Variants in ADAMTS13 observed in about 807,000 individuals in gnomAD.
The protein encoded by ADAMTS13 is ADAM metallopeptidase with thrombospondin type 1 motif 13.
A neutral mutation model predicts 155.1 loss-of-function variants in ADAMTS13; 110 were observed. The observed-to-expected ratio is 0.71, with a 90% CI of 0.61 to 0.83. ADAMTS13 has a LOEUF of 0.83. Ranked by LOEUF, ADAMTS13 falls within the 40% of genes least tolerant of loss-of-function variation. The probability of loss-of-function intolerance (pLI) is 0.00; values close to 1 mark genes in which losing one functional copy is unlikely to be tolerated. For missense variants in ADAMTS13, 1,707 were observed against 1,891.7 expected (o/e 0.90, Z 1.81); for synonymous variants, 758 against 756.4 (o/e 1.00, Z -0.03).
At chr9:133,436,627 A>G (rs587719829) in intron 11 of ADAMTS13, among the ~76,000 whole-genome samples, 1 of 152,078 alleles carries the variant, frequency 6.6e-6, no homozygotes, top group South Asian at 2.1e-4. Context: ...TTCTTTACGG[A>G]TTCCCCGGGG....
rs1380847239 is a variant in ADAMTS13, at chr9:133,440,421, G to A, written c.1864G>A (p.Glu622Lys). ...SPNTTYPSLL[E>K]DGRVEYRVAL... The stretch of plus-strand genomic sequence containing the variant: ...TAACACCACCTACCCCTCCCTCCTG[G>A]AGGATGGTCGTGTCGAGTACAGAGT... Residue 622 changes from glutamate (E) to lysine (K), a missense_variant, in exon 16 of 29, where the codon GAG (glutamate) becomes AAG (lysine). Transcript: ENST00000355699. The surrounding 1 kb of genome is among the most constrained non-coding windows in gnomAD (Gnocchi z 4.3). The A allele has an allele frequency of 6.2e-7, 1 of 1,613,738 alleles. No individual in the cohort carries two copies. The highest frequency in any genetic ancestry group is 1.3e-5 in the African/African-American group (1 of 74,920).
Position 133,442,519 on chromosome 9 carries a change from G to A in ADAMTS13, c.2089G>A (p.Val697Met), listed in dbSNP as rs367818172. ...GGCCGCTGTGCGTGGGCCCTGCTCG[G>A]TGAGCTGTGGGGCAGGTGAGACCTG... ...VWAAVRGPCS[V>M]SCGAGLRWVN... The change falls in exon 17 of 29, where the codon GTG becomes ATG. Residue 697 changes from valine (V) to methionine (M), a missense_variant. By Grantham distance (21) the Val-to-Met change is conservative (BLOSUM62 1). Transcript: ENST00000355699. 8.5e-5 allele frequency: 137 copies of A among 1,613,542 alleles called. No individual in the cohort carries two copies. Among genetic ancestry groups the A allele is most frequent in the Non-Finnish European group, 1.1e-4 (131 of 1,180,036 alleles).
rs782067565 is a variant in ADAMTS13, at chr9:133,429,867, C to T, written c.825-72C>T. 27 of 1,523,508 alleles carry T rather than the reference C, an allele frequency of 1.8e-5. No individual in the cohort carries two copies. The South Asian group carries it at 2.9e-4, about 16-fold the overall frequency. The allele number at this position is 1,523,508 out of a possible 1,614,324, so 94.4% of individuals were successfully genotyped here. A position where few individuals can be genotyped will look rare whatever the true frequency, so the allele number is the denominator to read the frequency against. Reference sequence around the variant, plus strand: ...TTCCAAACGCTTCCATCCTCGTGCCCACTCCTCCGTCCCGCCTCCTCCCGG... The same window carrying T: ...TTCCAAACGCTTCCATCCTCGTGCCTACTCCTCCGTCCCGCCTCCTCCCGG... On this transcript the variant is annotated intron_variant, in intron 7 of 28. Coordinates refer to ENST00000355699, the MANE Select transcript of ADAMTS13 (RefSeq NM_139027.6).
chr9:133,437,575 A>G (rs1279712140), intron 12 of ADAMTS13, among the ~76,000 whole-genome samples, 174 bp from the exon 13 acceptor site: 1 of 152,118 alleles, frequency 6.6e-6, no homozygotes, highest in East Asian at 1.9e-4. Context: ...CTAATTCAAT[A>G]CCATTAATTA....
Position 133,426,017 on chromosome 9 carries a change from A to C in ADAMTS13, c.494A>C (p.Asp165Ala). The change falls in exon 5 of 29, where the codon GAC becomes GCC. Residue 165 changes from aspartate (D) to alanine (A), a missense_variant. Asp to Ala is a moderately radical substitution (Grantham distance 126). This residue lies in a region of ADAMTS13 where 733 missense variants were observed against 749.6 expected (regional missense o/e 0.98). Transcript: ENST00000355699. ...TGGAGCCAGACCATCAACCCTGAGG[A>C]CGACACGGATCCTGGCCATGCTGAC... Reference protein sequence around the residue: ...CGWSQTINPEDDTDPGHADLV... With the variant: ...CGWSQTINPEADTDPGHADLV... 6.2e-7 allele frequency: 1 copy of C among 1,613,996 alleles called. No homozygotes were observed. Among genetic ancestry groups the C allele is most frequent in the Non-Finnish European group, 8.5e-7 (1 of 1,180,008 alleles).
intron 21 of ADAMTS13, among the ~76,000 whole-genome samples, chr9:133,446,371 A>G (rs145391823): frequency 2.0e-5 from 3 of 152,120 alleles, no homozygotes; most frequent in Non-Finnish European, 2.9e-5. Flanking sequence ...GGCAACCTCC[A>G]TTCTCCTTTC....
intron 27 of ADAMTS13, among the ~76,000 whole-genome samples, chr9:133,457,545 G>C (rs1842821580): frequency 6.6e-6 from 1 of 152,258 alleles, no homozygotes; most frequent in African/African-American, 2.4e-5. Context: ...CAGGCAGGTG[G>C]GGGCTCCAGT....
chr9:133,442,620 G>A lies in ADAMTS13; in HGVS notation c.2111G>A (p.Arg704His), dbSNP rs782223605. 8 of 1,613,246 alleles carry A rather than the reference G, an allele frequency of 5.0e-6. No individual in the cohort carries two copies. Among genetic ancestry groups the A allele is most frequent in the South Asian group, 1.1e-5 (1 of 91,084 alleles). ...PCSVSCGAGLRWVNYSCLDQA... is the reference protein window; with the variant it reads ...PCSVSCGAGLHWVNYSCLDQA... ...CCTCCCTCTTCCCTCCCAGGGCTGCGCTGGGTAAACTACAGCTGCCTGGAC... is the reference window on the plus strand; with the variant it reads ...CCTCCCTCTTCCCTCCCAGGGCTGCACTGGGTAAACTACAGCTGCCTGGAC... Residue 704 changes from arginine (R) to histidine (H), a missense_variant, in exon 18 of 29, where the codon CGC becomes CAC. By Grantham distance (29) the Arg-to-His change is conservative. Transcript: ENST00000355699.
chr9:133,445,121 A>G lies in ADAMTS13; in HGVS notation c.2610+69A>G. ...TTACCTGGCTGGGAGAACGAGGAGCACCCATTGCCACCGTCCTCCAGGCCA... is the reference window on the plus strand; with the variant it reads ...TTACCTGGCTGGGAGAACGAGGAGCGCCCATTGCCACCGTCCTCCAGGCCA... On this transcript the variant is annotated intron_variant, in intron 20 of 28. Transcript: ENST00000355699. The surrounding 1 kb of genome is among the most constrained non-coding windows in gnomAD (Gnocchi z 5.0). 2.0e-6 allele frequency: 3 copies of G among 1,513,916 alleles called. No individual in the cohort carries two copies. Among genetic ancestry groups the G allele is most frequent in the Non-Finnish European group, 2.7e-6 (3 of 1,118,352 alleles). 93.8% of individuals were successfully genotyped at this position (1,513,916 alleles called of 1,614,324 possible).
intron 1 of ADAMTS13, among the ~76,000 whole-genome samples, chr9:133,416,552 T>C (rs1212509333): frequency 6.6e-6 from 1 of 152,100 alleles, no homozygotes; most frequent in African/African-American, 2.4e-5. Flanking sequence ...CAGTGAGCTA[T>C]GATCCTAACA....
At chr9:133,436,789 GC>G in intron 11 of ADAMTS13, 39 bp from the exon 12 acceptor site, 1 of 665,682 alleles carries the variant, frequency 1.5e-6, no homozygotes, top group Non-Finnish European at 2.2e-6. Context: ...CCCGCCCCCC[GC>G]CCCACCGCCA....
rs782761346 is a variant in ADAMTS13 at position 133,455,246 on chromosome 9, G to C, written c.3250-39G>C. ...TTACCACTGTCCTTGTCACCTTCTG[G>C]CAGGGTCAGCTGTGACTCCTCCTCC... On this transcript the variant is annotated intron_variant, in intron 24 of 28. Transcript: ENST00000355699. The C allele has an allele frequency of 1.2e-5, 19 of 1,593,908 alleles. 1 individual carries two copies. Among genetic ancestry groups the C allele is most frequent in the Middle Eastern group, 3.3e-4 (2 of 6,076 alleles).
intron 15 of ADAMTS13, 48 bp downstream of exon 15, chr9:133,439,494 G>A (rs985973694): frequency 1.5e-5 from 23 of 1,520,690 alleles, no homozygotes; most frequent in South Asian, 4.5e-5. Context: ...CTGCAAAGGT[G>A]CAGAGCACTG....
At chr9:133,436,417 C>T (rs1032103122) in intron 11 of ADAMTS13, among the ~76,000 whole-genome samples, 1 of 151,900 alleles carries the variant, frequency 6.6e-6, no homozygotes, top group Non-Finnish European at 1.5e-5. Context: ...CTTCTGTCAG[C>T]CCATAAAAGT....
At position 133,456,873 on chromosome 9, in the gene ADAMTS13, A is replaced by T; in HGVS notation, c.3724+154A>T. The T allele has an allele frequency of 1.0e-6, 1 of 961,974 alleles. No homozygotes were observed. Among genetic ancestry groups the T allele is most frequent in the Non-Finnish European group, 1.6e-6 (1 of 622,568 alleles). 59.6% of individuals were successfully genotyped at this position (961,974 alleles called of 1,614,324 possible). ...GAAGGAACTGGGGTTGGCCAGTGTC[A>T]GTCTGCACGTGCCAGGGAGGGGTCA... is the stretch of plus-strand genomic sequence containing the variant. On this transcript the variant is annotated intron_variant, in intron 27 of 28. Coordinates refer to ENST00000355699, the MANE Select transcript of ADAMTS13 (RefSeq NM_139027.6). The surrounding 1 kb of genome is among the most constrained non-coding windows in gnomAD (Gnocchi z 4.4).
Position 133,442,729 on chromosome 9 carries a change from A to T in ADAMTS13, c.2220A>T (p.Glu740Asp), listed in dbSNP as rs782559298. 1.9e-6 allele frequency: 3 copies of T among 1,612,638 alleles called. No individual in the cohort carries two copies. The highest frequency in any genetic ancestry group is 2.7e-5 in the African/African-American group (2 of 74,942). The change falls in exon 18 of 29, where the codon GAA (glutamate) becomes GAT (aspartate). Residue 740 changes from glutamate to aspartate, a missense_variant. Coordinates refer to ENST00000355699, the MANE Select transcript of ADAMTS13 (RefSeq NM_139027.6). ...PPAWPEACVL[E>D]PCPPYWAVGD... Reference sequence around the variant, plus strand: ...CGTGGCCAGAGGCCTGCGTGCTCGAACCCTGCCCTCCCTAGTGAGTGTGGT... The same window carrying T: ...CGTGGCCAGAGGCCTGCGTGCTCGATCCCTGCCCTCCCTAGTGAGTGTGGT...
rs782404364 is a variant in ADAMTS13 at position 133,454,658 on chromosome 9, G to A, written c.3249+39G>A. 4.5e-6 allele frequency: 7 copies of A among 1,558,386 alleles called. No homozygotes were observed. In the South Asian group the frequency reaches 8.1e-5, roughly 18 times the overall value. The stretch of plus-strand genomic sequence containing the variant: ...GCACTCGGAATCCCTATGGGGCTGG[G>A]GTGGGCATCAGCTGTGGCTCCTCAT... On this transcript the variant is annotated intron_variant, in intron 24 of 28. Transcript: ENST00000355699.
rs866231988 is a variant in ADAMTS13 at position 133,456,164 on chromosome 9, G to C, written c.3496G>C (p.Gly1166Arg). 2 of 1,613,540 alleles carry C rather than the reference G, an allele frequency of 1.2e-6. No homozygotes were observed. Among genetic ancestry groups the C allele is most frequent in the South Asian group, 1.1e-5 (1 of 91,088 alleles). The change falls in exon 26 of 29, where the codon GGG (glycine) becomes CGG (arginine). Residue 1166 changes from glycine to arginine, a missense_variant. By Grantham distance (125) the Gly-to-Arg change is moderately radical. Around this residue, in one of 3 missense-constraint regions of ADAMTS13, gnomAD observed 961 missense variants for 1,107.9 expected, o/e 0.87. Coordinates refer to ENST00000355699, the MANE Select transcript of ADAMTS13 (RefSeq NM_139027.6). The surrounding 1 kb of genome is among the most constrained non-coding windows in gnomAD (Gnocchi z 4.4). Reference sequence around the variant, plus strand: ...TGCAGTGGCCATTGGGCGGCCCCTCGGGGAGGTGGTGACCCTCCGCGTCCT... The same window carrying C: ...TGCAGTGGCCATTGGGCGGCCCCTCCGGGAGGTGGTGACCCTCCGCGTCCT... ...DCAVAIGRPLGEVVTLRVLES... is the reference protein window; with the variant it reads ...DCAVAIGRPLREVVTLRVLES...
intron 23 of ADAMTS13, among the ~76,000 whole-genome samples, chr9:133,450,445 G>A (rs1842366240): frequency 6.6e-6 from 1 of 151,858 alleles, no homozygotes; most frequent in African/African-American, 2.4e-5. Flanking sequence ...GTACATGCCT[G>A]TAATCCCAGT....
Sources: gnomAD v4.1 joint callset for allele counts (sites outside exome capture counted in the v4.1 genomes callset) on GRCh38, gnomAD v4.1.1 for gene constraint, gnomAD v4.1.1 regional missense constraint, Gnocchi (gnomAD v3.1) non-coding constraint, MANE v1.5 for transcripts, NCBI Gene and HGNC (gene_info 2026-07-23, HGNC 2026-07-21) for gene names.